Variants in SDHAF4 observed in about 807,000 individuals in gnomAD.
SDHAF4 encodes the protein succinate dehydrogenase assembly factor 4, mitochondrial.
A neutral mutation model predicts 14.3 loss-of-function variants in SDHAF4; 14 were observed. That is an observed-to-expected ratio of 0.98 (90% confidence interval 0.65 to 1.53). The LOEUF is 1.53. Ranked by LOEUF, SDHAF4 falls within the 40% of genes most tolerant of loss-of-function variation. The pLI is 0.00. For missense variants in SDHAF4, 141 were observed against 129.3 expected (o/e 1.09, Z -0.44); for synonymous variants, 63 against 47.3 (o/e 1.33, Z -1.36).
chr6:70,569,154 C>T (rs1167763690), intron 1 of SDHAF4, among the ~76,000 whole-genome samples: 1 of 150,584 alleles, frequency 6.6e-6, no homozygotes, highest in Non-Finnish European at 1.5e-5. Context: ...TTAGTAGAGA[C>T]GGGGTTTCAC....
rs775738930 is a variant in SDHAF4 at position 70,579,403 on chromosome 6, C to G, written c.65-11C>G. 4 of 1,481,986 alleles carry G rather than the reference C, an allele frequency of 2.7e-6. No homozygotes were observed. The East Asian group carries it at 9.9e-5, about 37-fold the overall frequency. 91.8% of individuals were successfully genotyped at this position (1,481,986 alleles called of 1,614,324 possible). The stretch of plus-strand genomic sequence containing the variant: ...ACAGCTCCTATTTTTCTATTATCTC[C>G]ACTCTTCTAGGATCACCCCTTCTGT... On this transcript the variant is annotated splice_polypyrimidine_tract_variant and intron_variant, in intron 1 of 2. Coordinates refer to ENST00000370474, the MANE Select transcript of SDHAF4 (RefSeq NM_145267.3).
intron 1 of SDHAF4, among the ~76,000 whole-genome samples, chr6:70,569,844 T>TA (rs1802157858): frequency 6.6e-6 from 1 of 152,218 alleles, no homozygotes; most frequent in South Asian, 2.1e-4. Context: ...CATAATCTCT[T>TA]ATATTTTCTT....
At position 70,577,821 on chromosome 6, in the gene SDHAF4, T is replaced by C. The variant is rs191393915; in HGVS notation, c.65-1593T>C. On this transcript the variant is annotated intron_variant, in intron 1 of 2. Transcript: ENST00000370474. The stretch of plus-strand genomic sequence containing the variant: ...GAAAATTATATGTGAGAATATGCAA[T>C]ATTTGGTTTTCTGTTCCTGCATTAG... Among the ~76,000 whole-genome samples the C allele has an allele frequency of 4.6e-5, 7 of 152,346 alleles. No individual in the cohort carries two copies. In the East Asian group the frequency reaches 1.3e-3, roughly 29 times the overall value.
At chr6:70,572,058 C>CTTTTTTTTTTTTTTTTTT (rs66688860) in intron 1 of SDHAF4, among the ~76,000 whole-genome samples, 4 of 53,512 alleles carry the variant, frequency 7.5e-5, no homozygotes, top group Non-Finnish European at 1.3e-4. Context: ...CTTTTTTTGT[C>CTTTTTTTTTTTTTTTTTT]TTTTTTTTTT....
downstream of SDHAF4, among the ~76,000 whole-genome samples, chr6:70,591,543 A>T (rs1265498548): frequency 6.6e-6 from 1 of 151,776 alleles, no homozygotes; most frequent in Admixed American, 6.6e-5. Context: ...GTTAGCCAGG[A>T]TAGTCTCGAT....
intron 2 of SDHAF4, among the ~76,000 whole-genome samples, chr6:70,586,751 A>T (rs1035418825): frequency 3.3e-5 from 5 of 152,202 alleles, no homozygotes; most frequent in African/African-American, 1.2e-4. Context: ...GACAGACAAT[A>T]ATCCAAGTAA....
At chr6:70,586,635 A>G (rs1765204597) in intron 2 of SDHAF4, among the ~76,000 whole-genome samples, 1 of 152,004 alleles carries the variant, frequency 6.6e-6, no homozygotes, top group Non-Finnish European at 1.5e-5. Flanking sequence ...TCATTCATTC[A>G]TATGATACGT....
At chr6:70,575,709 ATGTG>A (rs760664360) in intron 1 of SDHAF4, among the ~76,000 whole-genome samples, 75 of 147,244 alleles carry the variant, frequency 5.1e-4, no homozygotes, top group African/African-American at 1.9e-3. Context: ...GTTTTTGTAT[ATGTG>A]TGTGTGTGTG....
downstream of SDHAF4, among the ~76,000 whole-genome samples, chr6:70,591,772 T>C (rs1283309963): frequency 6.6e-6 from 1 of 152,230 alleles, no homozygotes; most frequent in Non-Finnish European, 1.5e-5. Flanking sequence ...GAACATAAAA[T>C]TCACAGAGGT....
intron 2 of SDHAF4, among the ~76,000 whole-genome samples, chr6:70,583,302 G>A (rs992235938): frequency 1.3e-5 from 2 of 152,090 alleles, no homozygotes; most frequent in Admixed American, 6.5e-5. Flanking sequence ...TAGTAGAAAC[G>A]GGGTTTCACC....
At chr6:70,587,795 A>G (rs911073857) in intron 2 of SDHAF4, among the ~76,000 whole-genome samples, 6 of 152,316 alleles carry the variant, frequency 3.9e-5, no homozygotes, top group Admixed American at 6.5e-5. Context: ...CTGGCTTGTG[A>G]TGGGGATTCC....
downstream of SDHAF4, among the ~76,000 whole-genome samples, chr6:70,593,688 T>TGTGTG (rs202042891): frequency 1.1e-4 from 16 of 151,558 alleles, no homozygotes; most frequent in Admixed American, 1.0e-3. Context: ...TCAAGGGTTT[T>TGTGTG]TTTTTGTGTG....
chr6:70,568,030 G>A (rs1802126780), intron 1 of SDHAF4, among the ~76,000 whole-genome samples: 1 of 152,200 alleles, frequency 6.6e-6, no homozygotes, highest in Admixed American at 6.5e-5. Context: ...AGTTATGTAA[G>A]TTGAAAACAG....
intron 1 of SDHAF4, among the ~76,000 whole-genome samples, chr6:70,577,141 T>C (rs1802266183): frequency 6.6e-6 from 1 of 152,178 alleles, no homozygotes; most frequent in Non-Finnish European, 1.5e-5. Flanking sequence ...GTCTTCCCTT[T>C]CAAAGGACCC....
At chr6:70,570,592 GC>G (rs1268929502) in intron 1 of SDHAF4, among the ~76,000 whole-genome samples, 1 of 145,486 alleles carries the variant, frequency 6.9e-6, no homozygotes, top group Non-Finnish European at 1.5e-5. Context: ...GAGCCACCGT[GC>G]CCCCCACCAC....
intron 2 of SDHAF4, among the ~76,000 whole-genome samples, chr6:70,582,055 A>G (rs1765137949): frequency 6.6e-6 from 1 of 151,784 alleles, no homozygotes; most frequent in South Asian, 2.1e-4. Context: ...GAGATTTCAT[A>G]TTTCCCTAAA....
At chr6:70,598,280 G>A in the SDHAF4 span, among the ~76,000 whole-genome samples, 1 of 152,170 alleles carries the variant, frequency 6.6e-6, no homozygotes, top group African/African-American at 2.4e-5. Flanking sequence ...TTGGGAGGCC[G>A]AAGCAGGAGA....
intron 1 of SDHAF4, among the ~76,000 whole-genome samples, chr6:70,576,215 A>G (rs1802253328): frequency 6.6e-6 from 1 of 152,218 alleles, no homozygotes; most frequent in Non-Finnish European, 1.5e-5. Flanking sequence ...CTTACCTTGT[A>G]CTGTACAGAA....
chr6:70,579,295 CT>C (rs1802292405), intron 1 of SDHAF4, 118 bp from the exon 2 acceptor site: 2 of 838,758 alleles, frequency 2.4e-6, no homozygotes, highest in Admixed American at 4.0e-5. Flanking sequence ...TCCTTTTGTA[CT>C]TTTTGAACTT....
Sources: allele counts gnomAD v4.1 joint callset (sites outside exome capture counted in the v4.1 genomes callset), GRCh38; gene constraint gnomAD v4.1.1; transcripts MANE v1.5; gene names NCBI Gene and HGNC (gene_info 2026-07-23, HGNC 2026-07-21).